UHRF1: variants seen among roughly 807,000 people sequenced by gnomAD.
UHRF1 encodes the protein ubiquitin like with PHD and ring finger domains 1.
A neutral mutation model predicts 96.5 loss-of-function variants in UHRF1; 9 were observed. The ratio of observed to expected loss-of-function variants is 0.09; its 90% confidence interval spans 0.06 to 0.16. UHRF1 has a LOEUF of 0.16. UHRF1 is among the 10% of genes least tolerant of loss of function. The pLI, the probability that UHRF1 is intolerant of heterozygous loss-of-function variation, is 1.00. For synonymous variants in UHRF1, 455 were observed against 469.9 expected, an observed-to-expected ratio of 0.97 and a Z score of 0.41; for missense variants, 626 against 1,131.1, an observed-to-expected ratio of 0.55 and a Z score of 6.40.
chr19:4,929,795 C>A (rs1161659343), intron 3 of UHRF1, among the ~76,000 whole-genome samples: 1 of 151,998 alleles, frequency 6.6e-6, no homozygotes, highest in East Asian at 1.9e-4. Flanking sequence ...GGGTTTCCAG[C>A]TTTTTTATTT....
upstream of UHRF1, chr19:4,909,357 C>A (rs867816141): frequency 1.3e-5 from 8 of 607,248 alleles, no homozygotes; most frequent in Non-Finnish European, 2.3e-5. Context: ...GCGGAGGCGC[C>A]GTGGACAGAG....
intron 2 of UHRF1, among the ~76,000 whole-genome samples, chr19:4,919,560 C>T (rs2032635717): frequency 6.6e-6 from 1 of 152,090 alleles, no homozygotes; most frequent in Non-Finnish European, 1.5e-5. Flanking sequence ...CCTCCGCCTC[C>T]CAAAGTGCTG....
rs745570391 is a variant in UHRF1, at chr19:4,944,336, G to C, written c.1198-7G>C. 3 of 1,613,932 alleles carry C rather than the reference G, an allele frequency of 1.9e-6. No individual in the cohort carries two copies. The highest frequency in any genetic ancestry group is 2.5e-6 in the Non-Finnish European group (3 of 1,179,902). ...GCTGTTGTTCTTTGTGTCTGTGCCT[G>C]GGACAGGGCATGGCCTGTGTGGGCC... On this transcript the variant is annotated splice_region_variant and splice_polypyrimidine_tract_variant and intron_variant, in intron 8 of 16. Transcript: ENST00000650932.
Position 4,924,543 on chromosome 19 carries a change from C to G in UHRF1, c.154-4679C>G, listed in dbSNP as rs139812303. On this transcript the variant is annotated intron_variant, in intron 2 of 16. Coordinates refer to ENST00000650932, the MANE Select transcript of UHRF1 (RefSeq NM_001048201.3). Reference sequence around the variant, plus strand: ...AAGTGATCTGCCCACCTCGGCCTCCCAAAATGCTGGGATTACAGAGTAAGC... The same window carrying G: ...AAGTGATCTGCCCACCTCGGCCTCCGAAAATGCTGGGATTACAGAGTAAGC... Among the ~76,000 whole-genome samples, 834 of 152,250 alleles carry G rather than the reference C, an allele frequency of 5.5e-3. 5 individuals are homozygous for G. Among genetic ancestry groups the G allele is most frequent in the African/African-American group, 0.019 (796 of 41,548 alleles).
upstream of UHRF1, among the ~76,000 whole-genome samples, chr19:4,905,374 C>T (rs562890502): frequency 6.6e-6 from 1 of 151,662 alleles, no homozygotes; most frequent in Non-Finnish European, 1.5e-5. Flanking sequence ...CTGCCTCAGC[C>T]TCCCAAAGTG....
chr19:4,927,381 A>C (rs2032906382), intron 2 of UHRF1, among the ~76,000 whole-genome samples: 1 of 31,074 alleles, frequency 3.2e-5, no homozygotes, highest in Admixed American at 4.3e-4. Flanking sequence ...ACTCCATCTC[A>C]AAAAAAAAAA....
At chr19:4,956,853 G>C (rs774651542) in intron 16 of UHRF1, 40 bp downstream of exon 16, 2 of 1,456,868 alleles carry the variant, frequency 1.4e-6, no homozygotes, top group South Asian at 2.4e-5. Flanking sequence ...GGAAGGTTCT[G>C]GAAGGATGAC....
At position 4,929,288 on chromosome 19, in the gene UHRF1, C is replaced by T. The variant is rs943794190; in HGVS notation, c.220C>T (p.Arg74Cys). The T allele has an allele frequency of 1.9e-6, 3 of 1,613,804 alleles. No homozygotes were observed. The highest frequency in any genetic ancestry group is 2.5e-6 in the Non-Finnish European group (3 of 1,179,900). Residue 74 changes from arginine (R) to cysteine (C), a missense_variant, in exon 3 of 17, where the codon CGC becomes TGC. Arg to Cys is a radical substitution (Grantham distance 180, BLOSUM62 -3). This residue lies in a region of UHRF1 where 53 missense variants were observed against 95.9 expected (regional missense o/e 0.55). Coordinates refer to ENST00000650932, the MANE Select transcript of UHRF1 (RefSeq NM_001048201.3). ...GAATGACACCATCCAGCTCCTGGTC[C>T]GCCAGAGCCTCGTGCTCCCCCACAG... is the stretch of plus-strand genomic sequence containing the variant. ...RLNDTIQLLV[R>C]QSLVLPHSTK...
In UHRF1 at chr19:4,944,141, T is replaced by C. The variant is rs771208770; in HGVS notation, c.1083T>C (p.Pro361=). The change falls in exon 8 of 17, where the codon CCT becomes CCC. Residue 361 remains proline, a synonymous_variant. Transcript: ENST00000650932. ...AATCCCGACCTCGCAGGTACTGCCC[T>C]GAGTGCCGGAATGATGCCAGCGAGG... ...SVPSEDEWYC[P]ECRNDASEVV... is the part of the protein sequence containing the mutation. 1.2e-6 allele frequency: 2 copies of C among 1,613,862 alleles called. No individual in the cohort carries two copies. Among genetic ancestry groups the C allele is most frequent in the Non-Finnish European group, 1.7e-6 (2 of 1,179,864 alleles).
intron 2 of UHRF1, among the ~76,000 whole-genome samples, chr19:4,918,109 T>G (rs78105068): frequency 2.6e-5 from 4 of 151,086 alleles, no homozygotes; most frequent in African/African-American, 4.9e-5. Flanking sequence ...TTGCTATGGG[T>G]TTTTTTTTGT....
chr19:4,913,090 G>C (rs545949215), intron 2 of UHRF1, among the ~76,000 whole-genome samples: 18 of 152,110 alleles, frequency 1.2e-4, no homozygotes, highest in Non-Finnish European at 1.9e-4. Context: ...ATGTTAGACA[G>C]ACTGAATAAT....
intron 16 of UHRF1, among the ~76,000 whole-genome samples, chr19:4,958,446 G>T (rs2033911969): frequency 6.6e-6 from 1 of 152,256 alleles, no homozygotes; most frequent in Non-Finnish European, 1.5e-5. Flanking sequence ...GCTATTGGAA[G>T]AGGGAGGCCT....
chr19:4,952,602 A>G (rs1046324365), intron 13 of UHRF1, among the ~76,000 whole-genome samples: 13 of 151,010 alleles, frequency 8.6e-5, no homozygotes, highest in African/African-American at 2.4e-4. Context: ...CATGTTGGCC[A>G]GGCTGGTGAC....
chr19:4,947,358 C>T (rs1036472065), intron 11 of UHRF1, 147 bp downstream of exon 11: 5 of 740,216 alleles, frequency 6.8e-6, no homozygotes, highest in South Asian at 1.7e-5. Context: ...CTCCCTCTGT[C>T]TCCCAAAGTG....
chr19:4,934,490 C>T (rs1279444507), intron 5 of UHRF1, among the ~76,000 whole-genome samples: 3 of 152,178 alleles, frequency 2.0e-5, no homozygotes. Flanking sequence ...ACCTCTGCAT[C>T]CTACTTTCCA....
chr19:4,951,004 T>C lies in UHRF1; in HGVS notation c.1818+8T>C. 2 of 1,597,954 alleles carry C rather than the reference T, an allele frequency of 1.3e-6. No individual in the cohort carries two copies. Among genetic ancestry groups the C allele is most frequent in the Admixed American group, 1.8e-5 (1 of 56,798 alleles). On this transcript the variant is annotated splice_region_variant and intron_variant, in intron 13 of 16. Coordinates refer to ENST00000650932, the MANE Select transcript of UHRF1 (RefSeq NM_001048201.3). ...CTGGGGCTGACCATGCAGGTGTGTC[T>C]GGGATGGGGGATGGCACTTTGGGAG...
In UHRF1 at chr19:4,930,695, G is replaced by A; in HGVS notation, c.409-21G>A. On this transcript the variant is annotated intron_variant, in intron 3 of 16. Coordinates refer to ENST00000650932, the MANE Select transcript of UHRF1 (RefSeq NM_001048201.3). This position sits in a 1 kb window ranked among gnomAD's most constrained non-coding sequence, Gnocchi z 4.4. ...TTTTCCTCACCCCGTTGGGATGCCA[G>A]ACTTCCCTCATTCCTCACAGGTCAA... is the stretch of plus-strand genomic sequence containing the variant. The A allele has an allele frequency of 6.2e-7, 1 of 1,611,100 alleles. No individual in the cohort carries two copies. The highest frequency in any genetic ancestry group is 8.5e-7 in the Non-Finnish European group (1 of 1,178,350).
At chr19:4,931,434 A>G (rs1007446390) in intron 4 of UHRF1, among the ~76,000 whole-genome samples, 3 of 149,380 alleles carry the variant, frequency 2.0e-5, no homozygotes, top group African/African-American at 5.0e-5. Flanking sequence ...CCGCCACCAC[A>G]CCCAGCTAAT....
Position 4,945,723 on chromosome 19 carries a change from T to C in UHRF1, c.1306-138T>C, listed in dbSNP as rs761854859. The stretch of plus-strand genomic sequence containing the variant: ...GTCTCTAGCCGAGCAGCACACGTAG[T>C]AGGTGACTCGCAGGCCTGAGGAGTT... On this transcript the variant is annotated intron_variant, in intron 9 of 16. Coordinates refer to ENST00000650932, the MANE Select transcript of UHRF1 (RefSeq NM_001048201.3). 4.4e-4 allele frequency: 281 copies of C among 645,774 alleles called. 2 individuals are homozygous for C. The highest frequency in any genetic ancestry group is 2.8e-3 in the South Asian group (166 of 59,370). The allele number at this position is 645,774 out of a possible 1,614,324, so 40.0% of individuals were successfully genotyped here.
Sources: allele counts gnomAD v4.1 joint callset (sites outside exome capture counted in the v4.1 genomes callset), GRCh38; gene constraint gnomAD v4.1.1; regional missense constraint gnomAD v4.1.1; non-coding constraint Gnocchi (gnomAD v3.1); transcripts MANE v1.5; gene names NCBI Gene and HGNC (gene_info 2026-07-23, HGNC 2026-07-21).